The following NAV1 variants were observed in gnomAD, a reference collection of about 807,000 sequenced individuals.
NAV1 encodes pore membrane and/or filament interacting like protein 3.
In NAV1, 18 loss-of-function variants were observed where a neutral mutation model predicts 175.2. The observed-to-expected ratio is 0.10, with a 90% CI of 0.07 to 0.15. The LOEUF is 0.15. Ranked by LOEUF, NAV1 falls within the 10% of genes least tolerant of loss-of-function variation. The probability of loss-of-function intolerance (pLI) is 1.00; values close to 1 mark genes in which losing one functional copy is unlikely to be tolerated. For synonymous variants in NAV1, 897 were observed against 978.7 expected, an observed-to-expected ratio of 0.92 and a Z score of 1.56; for missense variants, 1,731 against 2,436.6, an observed-to-expected ratio of 0.71 and a Z score of 6.10.
rs180707171 is a variant in NAV1, at chr1:201,578,554, C to T, written c.-143-9985C>T. Among the ~76,000 whole-genome samples the T allele has an allele frequency of 3.9e-5, 6 of 152,224 alleles. No homozygotes were observed. The East Asian group carries it at 7.7e-4, about 20-fold the overall frequency. On this transcript the variant is annotated intron_variant, in intron 1 of 33. Transcript: ENST00000685211. ...TAGGTGGGGGTGGAAGTCCAGGCTC[C>T]GCATATGGGCTCCACTGATAATGAA... is the stretch of plus-strand genomic sequence containing the variant.
chr1:201,634,822 GT>G (rs1338318270), intron 2 of NAV1, among the ~76,000 whole-genome samples: 3 of 152,120 alleles, frequency 2.0e-5, no homozygotes, highest in African/African-American at 7.2e-5. Flanking sequence ...ACTCTAAAAG[GT>G]GTGTGAGTGA....
intron 2 of NAV1, among the ~76,000 whole-genome samples, chr1:201,630,958 T>G (rs1037461018): frequency 1.3e-5 from 2 of 152,252 alleles, no homozygotes; most frequent in Non-Finnish European, 2.9e-5. Flanking sequence ...GGTCTTTTAC[T>G]TTTAACGTCT....
At chr1:201,766,209 C>A (rs544229504) in intron 3 of NAV1, among the ~76,000 whole-genome samples, 38 of 152,296 alleles carry the variant, frequency 2.5e-4, no homozygotes, top group African/African-American at 8.4e-4. Context: ...ACATTGGCTT[C>A]TTCTCTGCCC....
In NAV1 at chr1:201,594,771, A is replaced by C. The variant is rs1667306293; in HGVS notation, c.-33+6122A>C. On this transcript the variant is annotated intron_variant, in intron 2 of 33. Coordinates refer to the NAV1 transcript ENST00000685211. Reference sequence around the variant, plus strand: ...GTGTAGAGCCCTGGGGCAGAACAGCAGGAAGGGCAGGCTCCACCCTGAAAC... The same window carrying C: ...GTGTAGAGCCCTGGGGCAGAACAGCCGGAAGGGCAGGCTCCACCCTGAAAC... Among the ~76,000 whole-genome samples, 3 of 152,068 alleles carry C rather than the reference A, an allele frequency of 2.0e-5. No homozygotes were observed. The South Asian group carries it at 6.2e-4, about 32-fold the overall frequency.
chr1:201,717,235 T>C (rs1021226971), intron 2 of NAV1, among the ~76,000 whole-genome samples: 2 of 152,228 alleles, frequency 1.3e-5, no homozygotes, highest in African/African-American at 4.8e-5. Context: ...AATGGATGTG[T>C]TCACAGAGCA....
chr1:201,550,714 A>G (rs1405094194), intron 1 of NAV1, among the ~76,000 whole-genome samples: 1 of 152,176 alleles, frequency 6.6e-6, no homozygotes, highest in Non-Finnish European at 1.5e-5. Context: ...TCAATTTTGT[A>G]GTTTTATGTT....
In NAV1 at chr1:201,578,536, G is replaced by A. The variant is rs114108126; in HGVS notation, c.-143-10003G>A. On this transcript the variant is annotated intron_variant, in intron 1 of 33. Coordinates refer to the NAV1 transcript ENST00000685211. ...AGGGTGCCTTATTACTGCTAGGTGG[G>A]GGTGGAAGTCCAGGCTCCGCATATG... Among the ~76,000 whole-genome samples, 873 of 152,244 alleles carry A rather than the reference G, an allele frequency of 5.7e-3. 3 individuals are homozygous for A. Among genetic ancestry groups the A allele is most frequent in the South Asian group, 0.011 (52 of 4,824 alleles).
chr1:201,626,470 G>C (rs1302912825), intron 1 of NAV1, among the ~76,000 whole-genome samples: 5 of 152,164 alleles, frequency 3.3e-5, no homozygotes, highest in Non-Finnish European at 7.3e-5. Context: ...AAGGGCCTTG[G>C]TGTGGCCTTC....
chr1:201,610,278 G>A (rs1014268562), intron 2 of NAV1, among the ~76,000 whole-genome samples: 3 of 152,254 alleles, frequency 2.0e-5, no homozygotes, highest in Non-Finnish European at 4.4e-5. Flanking sequence ...TGAAAGTGGA[G>A]TCATTCACGT....
At position 201,813,672 on chromosome 1, in the gene NAV1, TA is replaced by T. The variant is rs34738806; in HGVS notation, c.5340+425del. On this transcript the variant is annotated intron_variant, in intron 28 of 29. Coordinates refer to ENST00000367296, the Ensembl canonical transcript of NAV1. This position sits in a 1 kb window ranked among gnomAD's most constrained non-coding sequence, Gnocchi z 4.2. Reference sequence around the variant, plus strand: ...TGACCTTTTTAAATACCCTCATATGTAAAAAAAAAAAGGAGACATCACCTTC... The same window carrying T: ...TGACCTTTTTAAATACCCTCATATGTAAAAAAAAAAGGAGACATCACCTTC... Among the ~76,000 whole-genome samples the T allele has an allele frequency of 2.8e-4, 42 of 148,340 alleles. 1 individual carries two copies. The highest frequency in any genetic ancestry group is 4.2e-4 in the African/African-American group (17 of 40,360).
intron 1 of NAV1, among the ~76,000 whole-genome samples, chr1:201,628,528 G>A (rs937598153): frequency 6.6e-6 from 1 of 152,114 alleles, no homozygotes; most frequent in Admixed American, 6.5e-5. Flanking sequence ...TGGAGAGAGA[G>A]AAAGACAAAT....
At chr1:201,809,914 T>G in intron 22 of NAV1, 32 bp from the exon 27 acceptor site, 1 of 1,593,372 alleles carries the variant, frequency 6.3e-7, no homozygotes, top group Non-Finnish European at 8.6e-7. Flanking sequence ...GTTTGTATAT[T>G]TTCTTCTTCT....
At position 201,788,679 on chromosome 1, in the gene NAV1, C is replaced by G; in HGVS notation, c.3166+41C>G. Reference sequence around the variant, plus strand: ...AGCGCGGTTCACGCTCATTCCAGCTCTGCTGGGTCCCCTCACCCACCACCT... The same window carrying G: ...AGCGCGGTTCACGCTCATTCCAGCTGTGCTGGGTCCCCTCACCCACCACCT... On this transcript the variant is annotated intron_variant, in intron 10 of 29. Coordinates refer to ENST00000367296, the Ensembl canonical transcript of NAV1. This position sits in a 1 kb window ranked among gnomAD's most constrained non-coding sequence, Gnocchi z 5.7. 6.4e-7 allele frequency: 1 copy of G among 1,557,176 alleles called. No individual in the cohort carries two copies.
At chr1:201,794,153 G>A (rs552958387) in intron 14 of NAV1, 11 of 662,092 alleles carry the variant, frequency 1.7e-5, no homozygotes, top group South Asian at 1.1e-4. Context: ...AACTAATGAC[G>A]CTGTTTTCTT....
At chr1:201,585,681 T>A (rs1667005602) in intron 1 of NAV1, among the ~76,000 whole-genome samples, 1 of 152,132 alleles carries the variant, frequency 6.6e-6, no homozygotes, top group African/African-American at 2.4e-5. Flanking sequence ...TCAAAGAATA[T>A]ATATAAATGG....
At chr1:201,550,707 A>G (rs753351292) in intron 1 of NAV1, among the ~76,000 whole-genome samples, 9 of 152,196 alleles carry the variant, frequency 5.9e-5, no homozygotes, top group Non-Finnish European at 7.4e-5. Context: ...ATTAACTTCA[A>G]TTTTGTAGTT....
intron 2 of NAV1, among the ~76,000 whole-genome samples, chr1:201,609,680 G>A (rs533827375): frequency 1.3e-5 from 2 of 152,280 alleles, no homozygotes; most frequent in South Asian, 4.2e-4. Context: ...GGCGGCTTGG[G>A]GGTCTTCACA....
chr1:201,694,505 G>A lies in NAV1; in HGVS notation c.758-18312G>A, dbSNP rs533041266. ...GGCTTCTTGCCCTGAGTTAGGCTGG[G>A]GATCATTTGCAGGGAGAATGCAGCC... On this transcript the variant is annotated intron_variant, in intron 1 of 29. Transcript: ENST00000367296. This position sits in a 1 kb window ranked among gnomAD's most constrained non-coding sequence, Gnocchi z 4.2. Among the ~76,000 whole-genome samples, 73 of 152,284 alleles carry A rather than the reference G, an allele frequency of 4.8e-4. No homozygotes were observed. Among genetic ancestry groups the A allele is most frequent in the Middle Eastern group, 3.4e-3 (1 of 294 alleles).
intron 1 of NAV1, among the ~76,000 whole-genome samples, chr1:201,577,472 A>ATTTTT (rs36112197): frequency 1.2e-4 from 12 of 97,896 alleles, no homozygotes; most frequent in African/African-American, 2.2e-4. Flanking sequence ...TGAGACTTAG[A>ATTTTT]TTTTTTTTTT....
Sources: allele counts gnomAD v4.1 joint callset (sites outside exome capture counted in the v4.1 genomes callset), GRCh38; gene constraint gnomAD v4.1.1; non-coding constraint Gnocchi (gnomAD v3.1); transcripts MANE v1.5; gene names NCBI Gene and HGNC (gene_info 2026-07-23, HGNC 2026-07-21).